ASIC2: variants seen among roughly 807,000 people sequenced by gnomAD.
The protein encoded by ASIC2 is acid sensing ion channel subunit 2, also known as acid-sensing ion channel 2.
Under a neutral mutation model 57.3 loss-of-function variants are expected in ASIC2, and 25 were observed. That is an observed-to-expected ratio of 0.44 (90% CI 0.32 to 0.61). ASIC2 has a LOEUF of 0.61. Among genes scored for constraint, ASIC2 ranks in the 20% least tolerant of loss-of-function variants. ASIC2 has a pLI of 0.06. For synonymous variants in ASIC2, 319 were observed against 307.5 expected, an observed-to-expected ratio of 1.04 and a Z score of -0.39; for missense variants, 641 against 738.1, an observed-to-expected ratio of 0.87 and a Z score of 1.52.
chr17:33,023,039 G>T (rs1420881558), intron 6 of ASIC2, among the ~76,000 whole-genome samples: 1 of 152,184 alleles, frequency 6.6e-6, no homozygotes, highest in East Asian at 1.9e-4. Context: ...AAAGCATTGG[G>T]ATTACAGGCA....
intron 1 of ASIC2, among the ~76,000 whole-genome samples, chr17:33,561,527 AACAGAAACAAAAC>A (rs1916072974): frequency 6.6e-6 from 1 of 152,214 alleles, no homozygotes; most frequent in Admixed American, 6.5e-5. Context: ...CAGAAGACTG[AACAGAAACAAAAC>A]ACAGAAACTC....
At chr17:33,313,239 G>A (rs2142207468) in intron 1 of ASIC2, among the ~76,000 whole-genome samples, 1 of 151,860 alleles carries the variant, frequency 6.6e-6, no homozygotes, top group South Asian at 2.1e-4. Flanking sequence ...GGTGGGCAGG[G>A]TTGCTTGAGC....
intron 1 of ASIC2, among the ~76,000 whole-genome samples, chr17:33,719,733 T>G (rs1909330290): frequency 6.6e-6 from 1 of 152,164 alleles, no homozygotes; most frequent in Non-Finnish European, 1.5e-5. Context: ...GCAAGAAGAT[T>G]GGCTTCTCAA....
intron 1 of ASIC2, among the ~76,000 whole-genome samples, chr17:33,668,938 C>A (rs1259635832): frequency 6.6e-6 from 1 of 152,220 alleles, no homozygotes; most frequent in African/African-American, 2.4e-5. Context: ...CACTGAATTT[C>A]CCTTCCTTGA....
intron 3 of ASIC2, among the ~76,000 whole-genome samples, chr17:33,051,379 T>A (rs1188303089): frequency 6.6e-6 from 1 of 152,208 alleles, no homozygotes; most frequent in Non-Finnish European, 1.5e-5. Context: ...CTTTCTGGGT[T>A]ACTGTGTGAG....
chr17:33,729,639 C>A (rs896954501), intron 1 of ASIC2, among the ~76,000 whole-genome samples: 1 of 152,166 alleles, frequency 6.6e-6, no homozygotes, highest in East Asian at 1.9e-4. Context: ...GTGATCTGGG[C>A]AAATTCCTTA....
At chr17:33,146,171 C>T (rs753163677) in intron 1 of ASIC2, among the ~76,000 whole-genome samples, 35 of 152,246 alleles carry the variant, frequency 2.3e-4, no homozygotes, top group African/African-American at 6.5e-4. Flanking sequence ...GAGTCAATGA[C>T]GAATCCCTGG....
At chr17:34,066,327 T>A (rs1419259568) in intron 1 of ASIC2, among the ~76,000 whole-genome samples, 1 of 152,238 alleles carries the variant, frequency 6.6e-6, no homozygotes, top group African/African-American at 2.4e-5. Context: ...TTCCTGGCCT[T>A]AGGTACACAT....
rs138103332 is a variant in ASIC2, at chr17:33,933,993, G to T, written c.555+221985C>A. ...TCACTTTAATCAACAGAACGTATTT[G>T]ATTCTTTCGGGTCAGCAGCGACTTT... On this transcript the variant is annotated intron_variant, in intron 1 of 9. Coordinates refer to the ASIC2 transcript ENST00000359872. 1.4e-4 allele frequency among the ~76,000 whole-genome samples: 21 copies of T among 152,354 alleles called. No homozygotes were observed. The East Asian group carries it at 4.0e-3, about 29-fold the overall frequency.
intron 1 of ASIC2, among the ~76,000 whole-genome samples, chr17:33,615,276 C>T (rs1905562536): frequency 6.6e-6 from 1 of 152,126 alleles, no homozygotes; most frequent in African/African-American, 2.4e-5. Flanking sequence ...ATTGTGATAA[C>T]TTGTATAGGC....
chr17:33,579,282 G>C (rs191237123), intron 1 of ASIC2, among the ~76,000 whole-genome samples: 53 of 88,882 alleles, frequency 6.0e-4, no homozygotes, highest in Non-Finnish European at 6.5e-4. Flanking sequence ...ATGAAACTGT[G>C]TCTCAAAAAA....
chr17:33,435,418 C>T (rs1911574489), intron 1 of ASIC2, among the ~76,000 whole-genome samples: 1 of 152,056 alleles, frequency 6.6e-6, no homozygotes. Context: ...ATCCACTAGC[C>T]AAAGATGAGT....
chr17:33,414,120 G>T (rs887839454), intron 1 of ASIC2, among the ~76,000 whole-genome samples: 1 of 152,128 alleles, frequency 6.6e-6, no homozygotes, highest in Non-Finnish European at 1.5e-5. Flanking sequence ...CCCCTGCGAG[G>T]CTCTCCAACT....
At chr17:33,130,135 G>A (rs752866696) in intron 1 of ASIC2, among the ~76,000 whole-genome samples, 9 of 152,110 alleles carry the variant, frequency 5.9e-5, no homozygotes, top group Non-Finnish European at 5.9e-5. Flanking sequence ...CTTGAACCTG[G>A]TGCCTTCTCT....
At chr17:33,626,172 T>C (rs1039600046) in intron 1 of ASIC2, among the ~76,000 whole-genome samples, 1 of 152,162 alleles carries the variant, frequency 6.6e-6, no homozygotes, top group Non-Finnish European at 1.5e-5. Flanking sequence ...TTTGTTAACT[T>C]AAGGAGCTTT....
At chr17:33,636,346 C>T (rs974144177) in intron 1 of ASIC2, among the ~76,000 whole-genome samples, 17 of 152,174 alleles carry the variant, frequency 1.1e-4, no homozygotes, top group African/African-American at 3.4e-4. Context: ...TCTTGCTTCT[C>T]CTGTCCTAAT....
chr17:33,769,829 T>C (rs1484030216), intron 1 of ASIC2, among the ~76,000 whole-genome samples: 1 of 152,214 alleles, frequency 6.6e-6, no homozygotes, highest in Non-Finnish European at 1.5e-5. Flanking sequence ...TGTGTGCGGA[T>C]GGCCATCTTC....
At chr17:33,930,353 A>G (rs1245802763) in intron 1 of ASIC2, among the ~76,000 whole-genome samples, 1 of 152,258 alleles carries the variant, frequency 6.6e-6, no homozygotes, top group African/African-American at 2.4e-5. Context: ...CTTTCTGGAC[A>G]GAATTCTAGA....
At chr17:33,218,941 G>A (rs1907600518) in intron 1 of ASIC2, among the ~76,000 whole-genome samples, 1 of 152,192 alleles carries the variant, frequency 6.6e-6, no homozygotes, top group African/African-American at 2.4e-5. Flanking sequence ...GGAAGGGAGA[G>A]CTGAACTGGG....
Sources: allele counts gnomAD v4.1 joint callset (sites outside exome capture counted in the v4.1 genomes callset), GRCh38; gene constraint gnomAD v4.1.1; transcripts MANE v1.5; gene names NCBI Gene and HGNC (gene_info 2026-07-23, HGNC 2026-07-21).